KCNIP4: variants seen among roughly 807,000 people sequenced by gnomAD.
The protein encoded by KCNIP4 is potassium voltage-gated channel interacting protein 4.
A neutral mutation model predicts 34.0 loss-of-function variants in KCNIP4; 12 were observed. The ratio of observed to expected loss-of-function variants is 0.35; its 90% CI spans 0.23 to 0.57. The LOEUF is 0.57. Among genes scored for constraint, KCNIP4 ranks in the 20% least tolerant of loss-of-function variants. The pLI, the probability that KCNIP4 is intolerant of heterozygous loss-of-function variation, is 0.83. For synonymous variants in KCNIP4, 124 were observed against 102.2 expected (o/e 1.21, Z -1.29); for missense variants, 238 against 311.7 (o/e 0.76, Z 1.78).
At chr4:20,882,965 T>C (rs1275023939) in intron 1 of KCNIP4, among the ~76,000 whole-genome samples, 1 of 151,748 alleles carries the variant, frequency 6.6e-6, no homozygotes, top group Non-Finnish European at 1.5e-5. Context: ...ATATATCTAT[T>C]GAACGGCAAA....
chr4:21,278,146 G>C (rs1334810049), intron 1 of KCNIP4, among the ~76,000 whole-genome samples: 1 of 152,224 alleles, frequency 6.6e-6, no homozygotes. Flanking sequence ...ACTAATGAGA[G>C]AGCAGCAAAT....
At chr4:21,666,855 A>G (rs1365924259) in intron 1 of KCNIP4, among the ~76,000 whole-genome samples, 1 of 152,210 alleles carries the variant, frequency 6.6e-6, no homozygotes, top group Non-Finnish European at 1.5e-5. Flanking sequence ...GCCACATTGA[A>G]TGGGTTCTTC....
At chr4:21,824,734 G>A (rs10805230) in intron 1 of KCNIP4, among the ~76,000 whole-genome samples, 132,522 of 152,076 alleles carry the variant, frequency 0.87, 57,943 homozygotes, top group South Asian at 0.92. Context: ...TTCTATTCCA[G>A]TTCCCCTGTC....
intron 1 of KCNIP4, among the ~76,000 whole-genome samples, chr4:21,722,382 A>G (rs1477015793): frequency 6.6e-6 from 1 of 152,090 alleles, no homozygotes; most frequent in African/African-American, 2.4e-5. Flanking sequence ...AAGAATTTGC[A>G]ATGAGTTTCA....
intron 1 of KCNIP4, chr4:21,853,186 T>C (rs1420352342): frequency 6.6e-6 from 1 of 152,142 alleles, no homozygotes; most frequent in Non-Finnish European, 1.5e-5. Context: ...GCCAGACTCA[T>C]AGGGTTGTAG....
chr4:21,947,381 C>G (rs984980590), intron 1 of KCNIP4, among the ~76,000 whole-genome samples: 1 of 152,204 alleles, frequency 6.6e-6, no homozygotes, highest in African/African-American at 2.4e-5. Flanking sequence ...TGGGGCTTTA[C>G]AGGTGATGTT....
At chr4:20,765,101 T>C (rs1369991505) in intron 3 of KCNIP4, among the ~76,000 whole-genome samples, 3 of 152,182 alleles carry the variant, frequency 2.0e-5, no homozygotes, top group African/African-American at 4.8e-5. Flanking sequence ...GCCTTCTAAG[T>C]GTCAGCAAAT....
intron 1 of KCNIP4, among the ~76,000 whole-genome samples, chr4:21,560,731 C>T (rs1019287815): frequency 6.6e-6 from 1 of 151,998 alleles, no homozygotes; most frequent in Non-Finnish European, 1.5e-5. Flanking sequence ...ATTTATTTTG[C>T]TGATTGACTT....
intron 1 of KCNIP4, among the ~76,000 whole-genome samples, chr4:21,769,466 C>T (rs1234147445): frequency 6.6e-6 from 1 of 152,144 alleles, no homozygotes; most frequent in East Asian, 1.9e-4. Context: ...TAGTCAATTA[C>T]ATCAGTTATT....
chr4:21,868,833 T>C (rs1232382416), intron 1 of KCNIP4, among the ~76,000 whole-genome samples: 1 of 152,108 alleles, frequency 6.6e-6, no homozygotes, highest in Admixed American at 6.5e-5. Context: ...CATAATGCCA[T>C]AAAGAAAAAA....
At chr4:20,791,638 C>G (rs985064891) in intron 3 of KCNIP4, among the ~76,000 whole-genome samples, 4 of 151,966 alleles carry the variant, frequency 2.6e-5, no homozygotes, top group Admixed American at 2.0e-4. Context: ...CTAAAGCAAA[C>G]GCTAAAATAA....
chr4:20,880,750 T>G (rs1008589177), intron 2 of KCNIP4, among the ~76,000 whole-genome samples: 3 of 152,202 alleles, frequency 2.0e-5, no homozygotes, highest in Admixed American at 1.3e-4. Flanking sequence ...AGAAAAGCAA[T>G]GACTCTAATA....
intron 1 of KCNIP4, among the ~76,000 whole-genome samples, chr4:21,423,241 T>C (rs1725640782): frequency 6.6e-6 from 1 of 152,194 alleles, no homozygotes; most frequent in Non-Finnish European, 1.5e-5. Context: ...GTCTTGATTG[T>C]CACTTTCAAC....
chr4:21,218,029 T>C (rs546560535), intron 1 of KCNIP4, among the ~76,000 whole-genome samples: 2 of 151,288 alleles, frequency 1.3e-5, no homozygotes, highest in Admixed American at 1.3e-4. Context: ...TATTATTATT[T>C]TTTTAGACGG....
intron 1 of KCNIP4, among the ~76,000 whole-genome samples, chr4:21,781,780 T>G (rs1381427813): frequency 6.6e-6 from 1 of 152,082 alleles, no homozygotes; most frequent in African/African-American, 2.4e-5. Context: ...CATGAGATAT[T>G]AAAAATAATT....
At chr4:21,862,897 C>A (rs1243946424) in intron 1 of KCNIP4, among the ~76,000 whole-genome samples, 2 of 149,990 alleles carry the variant, frequency 1.3e-5, no homozygotes, top group Non-Finnish European at 3.0e-5. Flanking sequence ...GGAGGCGGAG[C>A]TTGCAGTGAG....
chr4:20,796,663 T>C (rs1713513708), intron 3 of KCNIP4, among the ~76,000 whole-genome samples: 1 of 151,680 alleles, frequency 6.6e-6, no homozygotes. Flanking sequence ...TTTTGAAGAC[T>C]CTAATTTGCA....
At chr4:21,016,585 T>C (rs1739567185) in intron 1 of KCNIP4, among the ~76,000 whole-genome samples, 1 of 152,074 alleles carries the variant, frequency 6.6e-6, no homozygotes, top group African/African-American at 2.4e-5. Context: ...GTGAGACACC[T>C]CACCCAGCCA....
intron 1 of KCNIP4, among the ~76,000 whole-genome samples, chr4:21,238,114 A>G (rs1171821179): frequency 5.9e-5 from 9 of 152,150 alleles, no homozygotes; most frequent in East Asian, 1.9e-4. Context: ...TATAAACAGA[A>G]CCAAAGACAA....
Sources: gnomAD v4.1 joint callset for allele counts (sites outside exome capture counted in the v4.1 genomes callset) on GRCh38, gnomAD v4.1.1 for gene constraint, MANE v1.5 for transcripts, NCBI Gene and HGNC (gene_info 2026-07-23, HGNC 2026-07-21) for gene names.